The following TRPC5 variants were observed in gnomAD, a reference collection of about 807,000 sequenced individuals.
TRPC5 encodes short transient receptor potential channel 5.
A neutral mutation model predicts 56.5 loss-of-function variants in TRPC5; 9 were observed. That is an observed-to-expected ratio of 0.16 (90% CI 0.10 to 0.28). The LOEUF is 0.28. Ranked by LOEUF, TRPC5 falls within the 10% of genes least tolerant of loss-of-function variation. The probability of loss-of-function intolerance (pLI) is 1.00; values close to 1 mark genes in which losing one functional copy is unlikely to be tolerated. For missense variants in TRPC5, 469 were observed against 748.9 expected, an observed-to-expected ratio of 0.63 and a Z score of 4.36; for synonymous variants, 282 against 278.5, an observed-to-expected ratio of 1.01 and a Z score of -0.13.
At chrX:111,838,013 G>A (rs920892650) in intron 6 of TRPC5, among the ~76,000 whole-genome samples, 5 of 109,482 alleles carry the variant, frequency 4.6e-5, no homozygotes, top group South Asian at 4.1e-4. Context: ...TTGAGGCTGC[G>A]GTGAGCTATG....
chrX:111,833,735 G>A (rs1349681887), intron 7 of TRPC5, among the ~76,000 whole-genome samples: 2 of 110,626 alleles, frequency 1.8e-5, no homozygotes, highest in Non-Finnish European at 3.8e-5. Context: ...GGGTATGTGT[G>A]TGTGTGTGTG....
intron 1 of TRPC5, among the ~76,000 whole-genome samples, chrX:112,080,275 T>C: frequency 9.0e-6 from 1 of 110,864 alleles, no homozygotes; most frequent in African/African-American, 3.3e-5. Context: ...TAGTAATAAA[T>C]AGAAAGTTTA....
At chrX:112,068,258 T>C (rs1445150926) in intron 1 of TRPC5, among the ~76,000 whole-genome samples, 1 of 112,404 alleles carries the variant, frequency 8.9e-6, no homozygotes, top group African/African-American at 3.2e-5. Flanking sequence ...CTGAACAGTG[T>C]CCTGCACTTG....
At chrX:111,975,390 G>C (rs1208370919) in intron 1 of TRPC5, among the ~76,000 whole-genome samples, 1 of 109,273 alleles carries the variant, frequency 9.2e-6, no homozygotes, top group Non-Finnish European at 1.9e-5. Context: ...CCTGGAAGGA[G>C]GACTAATATG....
At chrX:112,005,384 T>A (rs1179664702) in intron 1 of TRPC5, among the ~76,000 whole-genome samples, 1 of 104,596 alleles carries the variant, frequency 9.6e-6, no homozygotes, top group Non-Finnish European at 1.9e-5. Context: ...GACGAAATAA[T>A]CTGTATAACA....
chrX:112,024,650 C>T (rs935588631), intron 1 of TRPC5, among the ~76,000 whole-genome samples: 1 of 111,388 alleles, frequency 9.0e-6, no homozygotes, highest in African/African-American at 3.3e-5. Context: ...CTGCAGAGGC[C>T]CCTGACTAAT....
chrX:112,034,257 A>G (rs1929664974), intron 1 of TRPC5, among the ~76,000 whole-genome samples: 1 of 109,752 alleles, frequency 9.1e-6, no homozygotes, highest in South Asian at 3.9e-4. Context: ...TTTGCAATCC[A>G]TGATGCAGAA....
At position 111,924,893 on chromosome X, in the gene TRPC5, T is replaced by C. The variant is rs960696554; in HGVS notation, c.379-12081A>G. ...GGCTATCCTTGATCTTTTCAGGAAATAAACATTAAAGGGTCCTTTACTATC... is the reference window on the plus strand; with the variant it reads ...GGCTATCCTTGATCTTTTCAGGAAACAAACATTAAAGGGTCCTTTACTATC... On this transcript the variant is annotated intron_variant, in intron 2 of 10. Coordinates refer to ENST00000262839, the MANE Select transcript of TRPC5 (RefSeq NM_012471.3). Among the ~76,000 whole-genome samples the C allele has an allele frequency of 6.2e-5, 7 of 112,158 alleles. No homozygotes were observed. The Admixed American group carries it at 6.6e-4, about 11-fold the overall frequency.
At chrX:111,975,963 T>G (rs1927915537) in intron 1 of TRPC5, among the ~76,000 whole-genome samples, 2 of 112,122 alleles carry the variant, frequency 1.8e-5, no homozygotes, top group South Asian at 7.4e-4. Flanking sequence ...TGTTACATGA[T>G]GAAGTAGAAT....
At chrX:112,029,501 G>A (rs985652273) in intron 1 of TRPC5, among the ~76,000 whole-genome samples, 5 of 111,837 alleles carry the variant, frequency 4.5e-5, no homozygotes, top group Admixed American at 3.8e-4. Context: ...TTTCTTTGGG[G>A]TCTATACCCA....
chrX:111,860,688 G>T (rs1923381000), intron 3 of TRPC5, among the ~76,000 whole-genome samples: 1 of 112,275 alleles, frequency 8.9e-6, no homozygotes, highest in South Asian at 3.7e-4. Context: ...CTTTAATTGT[G>T]ATTAATAGCA....
chrX:112,022,423 CT>C (rs894384393), intron 1 of TRPC5, among the ~76,000 whole-genome samples: 1 of 111,875 alleles, frequency 8.9e-6, no homozygotes, highest in African/African-American at 3.3e-5. Flanking sequence ...AGAACATGAG[CT>C]TTATGAGAGA....
chrX:111,943,370 C>A (rs1400918661), intron 2 of TRPC5, among the ~76,000 whole-genome samples: 6 of 111,748 alleles, frequency 5.4e-5, no homozygotes, highest in Non-Finnish European at 1.1e-4. Flanking sequence ...TTTCTCCAGG[C>A]CCTCGCTGTC....
chrX:112,056,298 G>A (rs947829655), intron 1 of TRPC5, among the ~76,000 whole-genome samples: 3 of 111,827 alleles, frequency 2.7e-5, no homozygotes, highest in Admixed American at 9.5e-5. Flanking sequence ...AAGTCTCCCC[G>A]TGTGATTCTG....
At chrX:111,900,266 A>G (rs1332457193) in intron 3 of TRPC5, among the ~76,000 whole-genome samples, 1 of 112,086 alleles carries the variant, frequency 8.9e-6, no homozygotes, top group Non-Finnish European at 1.9e-5. Context: ...TAAAGGAGTT[A>G]TATAGATGAC....
At chrX:111,790,462 G>A (rs1225476500) in intron 7 of TRPC5, among the ~76,000 whole-genome samples, 1 of 111,085 alleles carries the variant, frequency 9.0e-6, no homozygotes, top group Non-Finnish European at 1.9e-5. Context: ...TAATGTAAAT[G>A]ATGAGTTGAT....
intron 6 of TRPC5, among the ~76,000 whole-genome samples, chrX:111,837,415 G>A (rs1242943230): frequency 8.9e-6 from 1 of 111,817 alleles, no homozygotes; most frequent in African/African-American, 3.3e-5. Flanking sequence ...TAGCACAGCT[G>A]CTAGGTAACA....
At chrX:111,980,924 T>TACAC (rs112411131) in intron 1 of TRPC5, among the ~76,000 whole-genome samples, 19 of 101,716 alleles carry the variant, frequency 1.9e-4, no homozygotes, top group Non-Finnish European at 3.4e-4. Flanking sequence ...TATATATATA[T>TACAC]ACACACACAC....
intron 3 of TRPC5, among the ~76,000 whole-genome samples, chrX:111,870,938 G>C (rs1603066061): frequency 8.9e-6 from 1 of 111,751 alleles, no homozygotes; most frequent in African/African-American, 3.3e-5. Flanking sequence ...GGAAGACAAA[G>C]TGAGGTATAC....
Sources: gnomAD v4.1 joint callset for allele counts (sites outside exome capture counted in the v4.1 genomes callset) on GRCh38, gnomAD v4.1.1 for gene constraint, MANE v1.5 for transcripts, NCBI Gene and HGNC (gene_info 2026-07-23, HGNC 2026-07-21) for gene names.